Variants in PPARGC1A observed in about 807,000 individuals in gnomAD.
PPARGC1A encodes the protein PPARG coactivator 1 alpha, also known as peroxisome proliferator-activated receptor gamma coactivator 1-alpha.
A neutral mutation model predicts 88.7 loss-of-function variants in PPARGC1A; 25 were observed. That is an observed-to-expected ratio of 0.28 (90% CI 0.21 to 0.39). The LOEUF is 0.39. PPARGC1A is among the 10% of genes least tolerant of loss of function. PPARGC1A has a pLI of 1.00. For missense variants in PPARGC1A, 880 were observed against 968.7 expected (o/e 0.91, Z 1.22); for synonymous variants, 363 against 355.6 (o/e 1.02, Z -0.24).
At chr4:24,127,554 C>A in the PPARGC1A span, among the ~76,000 whole-genome samples, 2 of 151,764 alleles carry the variant, frequency 1.3e-5, no homozygotes, top group African/African-American at 4.8e-5. Flanking sequence ...CACACACGTG[C>A]GCGCGTGTGG....
rs188928956 is a variant in PPARGC1A at position 23,844,762 on chromosome 4, A to G, written c.235-13011T>C. 2.0e-3 allele frequency among the ~76,000 whole-genome samples: 215 copies of G among 109,878 alleles called. 3 individuals carry two copies. Among genetic ancestry groups the G allele is most frequent in the Non-Finnish European group, 3.2e-3 (195 of 60,634 alleles). The allele number at this position is 109,878 out of a possible 152,430, so 72.1% of individuals were successfully genotyped here. On this transcript the variant is annotated intron_variant, in intron 2 of 12. Transcript: ENST00000264867. ...TATATCATAATATATGATATATATTATAATAATATATGATATATATTATAA... is the reference window on the plus strand; with the variant it reads ...TATATCATAATATATGATATATATTGTAATAATATATGATATATATTATAA...
At chr4:24,182,520 G>C in the PPARGC1A span, among the ~76,000 whole-genome samples, 1 of 152,088 alleles carries the variant, frequency 6.6e-6, no homozygotes, top group Non-Finnish European at 1.5e-5. Context: ...CCCAGTAATG[G>C]GATTGCTGGG....
chr4:23,934,864 TA>T, the PPARGC1A span, among the ~76,000 whole-genome samples: 2 of 152,124 alleles, frequency 1.3e-5, no homozygotes, highest in Non-Finnish European at 2.9e-5. Context: ...GGATTTTAGT[TA>T]AACAAAAAAC....
At chr4:23,804,324 A>G (rs1719350273) in intron 10 of PPARGC1A, among the ~76,000 whole-genome samples, 1 of 152,128 alleles carries the variant, frequency 6.6e-6, no homozygotes, top group South Asian at 2.1e-4. Context: ...GTTCCTCTCC[A>G]CATGTCTAAC....
At chr4:24,360,204 C>G in the PPARGC1A span, among the ~76,000 whole-genome samples, 1 of 152,194 alleles carries the variant, frequency 6.6e-6, no homozygotes, top group Admixed American at 6.5e-5. Flanking sequence ...CCTACCACCA[C>G]CCGTAGCCCA....
chr4:23,965,008 G>A, the PPARGC1A span, among the ~76,000 whole-genome samples: 409 of 152,250 alleles, frequency 2.7e-3, 1 homozygote, highest in Middle Eastern at 0.017. Flanking sequence ...TCATTTCTCA[G>A]GAAAATAAAG....
the PPARGC1A span, among the ~76,000 whole-genome samples, chr4:24,002,829 A>C: frequency 6.6e-6 from 1 of 152,122 alleles, no homozygotes; most frequent in Non-Finnish European, 1.5e-5. Context: ...CTAGTGTCCC[A>C]CTTTTGTTTG....
chr4:24,351,266 G>A, the PPARGC1A span, among the ~76,000 whole-genome samples: 1 of 151,524 alleles, frequency 6.6e-6, no homozygotes, highest in Admixed American at 6.6e-5. Context: ...GCATGGTGGT[G>A]CACACCTGTA....
At chr4:24,357,757 T>G in the PPARGC1A span, among the ~76,000 whole-genome samples, 15 of 152,296 alleles carry the variant, frequency 9.8e-5, no homozygotes, top group African/African-American at 2.6e-4. Context: ...TCTCATGATA[T>G]CTGATGGTTT....
chr4:24,165,633 T>A, the PPARGC1A span, among the ~76,000 whole-genome samples: 1 of 152,230 alleles, frequency 6.6e-6, no homozygotes, highest in Admixed American at 6.5e-5. Flanking sequence ...AGTCTCATGG[T>A]ATTTCAAGCT....
the PPARGC1A span, among the ~76,000 whole-genome samples, chr4:24,230,793 A>G: frequency 6.6e-6 from 1 of 152,112 alleles, no homozygotes; most frequent in Non-Finnish European, 1.5e-5. Context: ...GACAAAGATA[A>G]CTGCCAACTA....
At chr4:24,376,254 A>C in the PPARGC1A span, among the ~76,000 whole-genome samples, 1 of 152,186 alleles carries the variant, frequency 6.6e-6, no homozygotes, top group African/African-American at 2.4e-5. Flanking sequence ...TCCATCAAAC[A>C]AGTGAACTCC....
At chr4:24,424,370 G>C in the PPARGC1A span, among the ~76,000 whole-genome samples, 1 of 137,640 alleles carries the variant, frequency 7.3e-6, no homozygotes, top group Non-Finnish European at 1.5e-5. Context: ...CCACCTCCCG[G>C]GTTCACGCCA....
the PPARGC1A span, among the ~76,000 whole-genome samples, chr4:24,023,460 CCA>C: frequency 9.2e-5 from 14 of 152,300 alleles, no homozygotes; most frequent in African/African-American, 3.4e-4. Context: ...CCCCTTGGTG[CCA>C]CACACAGGCT....
the PPARGC1A span, among the ~76,000 whole-genome samples, chr4:24,360,012 T>C: frequency 1.3e-5 from 2 of 152,102 alleles, no homozygotes; most frequent in African/African-American, 4.8e-5. Flanking sequence ...TCTCTGTGGA[T>C]TGGGCCACTT....
chr4:24,143,870 C>T, the PPARGC1A span, among the ~76,000 whole-genome samples: 1 of 152,200 alleles, frequency 6.6e-6, no homozygotes. Flanking sequence ...GGGGACAAGC[C>T]AGTGACGAAT....
intron 2 of PPARGC1A, among the ~76,000 whole-genome samples, chr4:23,872,384 G>A (rs2148774552): frequency 6.6e-6 from 1 of 152,198 alleles, no homozygotes. Flanking sequence ...ACTGTGTGTA[G>A]GACATCATAA....
the PPARGC1A span, among the ~76,000 whole-genome samples, chr4:23,925,917 T>A: frequency 6.6e-6 from 1 of 152,200 alleles, no homozygotes; most frequent in African/African-American, 2.4e-5. Context: ...TTCAAACTTA[T>A]AATGTTACCA....
the PPARGC1A span, among the ~76,000 whole-genome samples, chr4:24,197,656 A>C: frequency 6.6e-6 from 1 of 152,222 alleles, no homozygotes; most frequent in Non-Finnish European, 1.5e-5. Context: ...CAATAAATAC[A>C]CACCATAAAT....
Sources: allele counts gnomAD v4.1 joint callset (sites outside exome capture counted in the v4.1 genomes callset), GRCh38; gene constraint gnomAD v4.1.1; transcripts MANE v1.5; gene names NCBI Gene and HGNC (gene_info 2026-07-23, HGNC 2026-07-21).